Variants in RAC2 observed in about 807,000 individuals in gnomAD.
RAC2 encodes the protein ras-related C3 botulinum toxin substrate 2.
In RAC2, 1 loss-of-function variant was observed where a neutral mutation model predicts 24.0. That is an observed-to-expected ratio of 0.04 (90% CI 0.01 to 0.20). RAC2 has a LOEUF of 0.20. RAC2 is among the 10% of genes least tolerant of loss of function. The pLI, the probability that RAC2 is intolerant of heterozygous loss-of-function variation, is 1.00. For missense variants in RAC2, 130 were observed against 259.1 expected (o/e 0.50, Z 3.42); for synonymous variants, 114 against 106.8 (o/e 1.07, Z -0.41).
chr22:37,229,014 G>A (rs1048462815), intron 5 of RAC2, among the ~76,000 whole-genome samples: 1 of 152,196 alleles, frequency 6.6e-6, no homozygotes, highest in Admixed American at 6.5e-5. Flanking sequence ...GTGTCACTGG[G>A]CACTTGGCCA....
rs56187326 is a variant in RAC2, at chr22:37,238,293, G to A, written c.107+3294C>T. 9.0e-3 allele frequency among the ~76,000 whole-genome samples: 1,369 copies of A among 152,084 alleles called. 21 individuals are homozygous for A. Among genetic ancestry groups the A allele is most frequent in the African/African-American group, 0.031 (1,297 of 41,456 alleles). Reference sequence around the variant, plus strand: ...ACTTTGTTGCCCAGGCTGGAGTGCAGTAGCACAATCACAGCTCAATGCAGC... The same window carrying A: ...ACTTTGTTGCCCAGGCTGGAGTGCAATAGCACAATCACAGCTCAATGCAGC... On this transcript the variant is annotated intron_variant, in intron 2 of 6. Transcript: ENST00000249071.
chr22:37,235,244 T>C (rs1927189582), intron 2 of RAC2, among the ~76,000 whole-genome samples: 1 of 152,100 alleles, frequency 6.6e-6, no homozygotes, highest in Non-Finnish European at 1.5e-5. Context: ...TAATACACTT[T>C]GCCTGTCCAG....
intron 2 of RAC2, chr22:37,240,735 C>G (rs952390646): frequency 1.1e-5 from 5 of 438,806 alleles, no homozygotes; most frequent in African/African-American, 9.9e-5. Flanking sequence ...AGTGGAGACC[C>G]CTTCGTGGTA....
chr22:37,238,525 C>T (rs1261707643), intron 2 of RAC2, among the ~76,000 whole-genome samples: 1 of 152,234 alleles, frequency 6.6e-6, no homozygotes, highest in Non-Finnish European at 1.5e-5. Context: ...CAGGCATGAG[C>T]CACGGCGCCC....
rs1166110299 is a variant in RAC2, at chr22:37,237,200, G to A, written c.108-4282C>T. Among the ~76,000 whole-genome samples, 3 of 138,110 alleles carry A rather than the reference G, an allele frequency of 2.2e-5. No individual in the cohort carries two copies. The Admixed American group carries it at 2.2e-4, about 10-fold the overall frequency. 90.6% of individuals were successfully genotyped at this position (138,110 alleles called of 152,430 possible). On this transcript the variant is annotated intron_variant, in intron 2 of 6. Transcript: ENST00000249071. Reference sequence around the variant, plus strand: ...GAGACTCCGTCAGGAAGGAAGGAAGGAAGGGAGGAAGGGAGGGAGGAAGGG... The same window carrying A: ...GAGACTCCGTCAGGAAGGAAGGAAGAAAGGGAGGAAGGGAGGGAGGAAGGG...
chr22:37,232,026 G>A, intron 3 of RAC2, 32 bp from the exon 4 acceptor site: 3 of 1,550,114 alleles, frequency 1.9e-6, no homozygotes, highest in Non-Finnish European at 2.6e-6. Flanking sequence ...TTGCTAGTGA[G>A]GAGGGCCCAG....
chr22:37,243,821 C>A (rs533200294), intron 1 of RAC2, among the ~76,000 whole-genome samples: 2 of 152,330 alleles, frequency 1.3e-5, no homozygotes, highest in East Asian at 3.9e-4. Context: ...CCGTGGGAGA[C>A]CTGCCCCCAG....
At position 37,231,427 on chromosome 22, in the gene RAC2, G is replaced by GGAGGAGGAGAA; in HGVS notation, c.289-38_289-37insTTCTCCTCCTC. The GGAGGAGGAGAA allele has an allele frequency of 1.2e-6, 2 of 1,604,668 alleles. No homozygotes were observed. Among genetic ancestry groups the GGAGGAGGAGAA allele is most frequent in the Non-Finnish European group, 1.7e-6 (2 of 1,172,812 alleles). On this transcript the variant is annotated intron_variant, in intron 4 of 6. Coordinates refer to ENST00000249071, the MANE Select transcript of RAC2 (RefSeq NM_002872.5). The surrounding 1 kb of genome is among the most constrained non-coding windows in gnomAD (Gnocchi z 5.5). ...GGTGGGGGGACACAAGGTTGTATGG[G>GGAGGAGGAGAA]TCAAGAGGGGGCGCGAGGCTGTGCG... is the stretch of plus-strand genomic sequence containing the variant.
intron 5 of RAC2, among the ~76,000 whole-genome samples, chr22:37,228,309 G>T (rs1160181356): frequency 6.6e-6 from 1 of 152,222 alleles, no homozygotes; most frequent in Non-Finnish European, 1.5e-5. Context: ...ACCCCTCAGG[G>T]CTAGAGCCCG....
intron 2 of RAC2, chr22:37,240,732 AC>A (rs1180707060): frequency 2.3e-6 from 1 of 432,236 alleles, no homozygotes; most frequent in African/African-American, 2.0e-5. Context: ...GGGAGTGGAG[AC>A]CCCTTCGTGG....
chr22:37,235,219 GCAGCC>G (rs1927188920), intron 2 of RAC2, among the ~76,000 whole-genome samples: 1 of 152,070 alleles, frequency 6.6e-6, no homozygotes, highest in Non-Finnish European at 1.5e-5. Context: ...CAAAAAGTGG[GCAGCC>G]CAGCCTTTTT....
In RAC2 at chr22:37,231,950, A is replaced by G. The variant is rs1927078260; in HGVS notation, c.270T>C (p.Tyr90=). 3 of 1,551,962 alleles carry G rather than the reference A, an allele frequency of 1.9e-6. No individual in the cohort carries two copies. The highest frequency in any genetic ancestry group is 2.6e-6 in the Non-Finnish European group (3 of 1,147,162). Residue 90 remains tyrosine, a synonymous_variant, in exon 4 of 7, where the codon TAT becomes TAC. Coordinates refer to ENST00000249071, the MANE Select transcript of RAC2 (RefSeq NM_002872.5). The surrounding 1 kb of genome is among the most constrained non-coding windows in gnomAD (Gnocchi z 5.5). Reference sequence around the variant, plus strand: ...AGCTCACCTTGGCGCGGACGTTCTCATAAGAGGCTGGGCTGACGAGGGAGA... The same window carrying G: ...AGCTCACCTTGGCGCGGACGTTCTCGTAAGAGGCTGGGCTGACGAGGGAGA... The part of the protein sequence containing the change: ...ICFSLVSPAS[Y]ENVRAKWFPE...
intron 2 of RAC2, chr22:37,241,103 T>C (rs1162208634): frequency 1.3e-6 from 1 of 774,810 alleles, no homozygotes; most frequent in African/African-American, 1.7e-5. Flanking sequence ...ACCAACACGC[T>C]CCCTCCACGT....
intron 5 of RAC2, among the ~76,000 whole-genome samples, chr22:37,230,841 A>G (rs926917450): frequency 1.3e-5 from 2 of 151,764 alleles, no homozygotes; most frequent in Non-Finnish European, 2.9e-5. Flanking sequence ...CAGCACCCCC[A>G]CTCAATCTCT....
rs1373120315 is a variant in RAC2, at chr22:37,231,036, C to A, written c.448+195G>T. Among the ~76,000 whole-genome samples the A allele has an allele frequency of 6.6e-6, 1 of 152,204 alleles. No homozygotes were observed. On this transcript the variant is annotated intron_variant, in intron 5 of 6. Transcript: ENST00000249071. The surrounding 1 kb of genome is among the most constrained non-coding windows in gnomAD (Gnocchi z 5.5). ...CCCAGGAGGCAGGAGCTATCACTAT[C>A]CCATGCTTTTCTGATAAGGAAACAC... is the stretch of plus-strand genomic sequence containing the variant.
chr22:37,227,581 T>C (rs73161853), intron 5 of RAC2, among the ~76,000 whole-genome samples: 19 of 1,522 alleles, frequency 0.012, no homozygotes, highest in East Asian at 0.028. Context: ...CCACGCCATA[T>C]ACCCCTCCCA....
chr22:37,238,127 G>A (rs56040131), intron 2 of RAC2, among the ~76,000 whole-genome samples: 113 of 152,230 alleles, frequency 7.4e-4, no homozygotes, highest in African/African-American at 2.6e-3. Flanking sequence ...CTGGGGAGAC[G>A]GGGGCTGTTG....
chr22:37,233,826 C>T (rs773086959), intron 2 of RAC2, among the ~76,000 whole-genome samples: 4 of 151,632 alleles, frequency 2.6e-5, no homozygotes, highest in Non-Finnish European at 4.4e-5. Flanking sequence ...CAGAACGGAC[C>T]GTGCTCAGGG....
chr22:37,242,505 G>A (rs1489105094), intron 1 of RAC2, among the ~76,000 whole-genome samples: 2 of 152,130 alleles, frequency 1.3e-5, no homozygotes, highest in South Asian at 2.1e-4. Context: ...TAGCTCAGCC[G>A]AAGCCCAGAG....
Sources: gnomAD v4.1 joint callset for allele counts (sites outside exome capture counted in the v4.1 genomes callset) on GRCh38, gnomAD v4.1.1 for gene constraint, Gnocchi (gnomAD v3.1) non-coding constraint, MANE v1.5 for transcripts, NCBI Gene and HGNC (gene_info 2026-07-23, HGNC 2026-07-21) for gene names.